The following WDR17 variants were observed in gnomAD, a reference collection of about 807,000 sequenced individuals.
The protein encoded by WDR17 is WD repeat domain 17, also known as WD repeat-containing protein 17.
Under a neutral mutation model 161.7 loss-of-function variants are expected in WDR17, and 143 were observed. That is an observed-to-expected ratio of 0.88 (90% confidence interval 0.77 to 1.02). The LOEUF is 1.02. Ranked by LOEUF, WDR17 falls within the 50% of genes least tolerant of loss-of-function variation. The pLI is 0.00. For missense variants in WDR17, 1,469 were observed against 1,520.9 expected (o/e 0.97, Z 0.57); for synonymous variants, 517 against 515.6 (o/e 1.00, Z -0.04).
At chr4:176,157,455 G>C (rs569129449) in intron 18 of WDR17, among the ~76,000 whole-genome samples, 2 of 152,324 alleles carry the variant, frequency 1.3e-5, no homozygotes, top group East Asian at 3.9e-4. Context: ...AGTAAGTTAA[G>C]CAACAGGCTG....
chr4:176,106,891 C>A (rs1307526555), intron 1 of WDR17, among the ~76,000 whole-genome samples: 1 of 152,020 alleles, frequency 6.6e-6, no homozygotes, highest in Non-Finnish European at 1.5e-5. Flanking sequence ...TTTGAGGTTG[C>A]AGTGAACTAT....
intron 1 of WDR17, among the ~76,000 whole-genome samples, chr4:176,076,858 T>G (rs1305403984): frequency 6.6e-6 from 1 of 152,106 alleles, no homozygotes; most frequent in East Asian, 1.9e-4. Context: ...CTCTTTCTTC[T>G]TGGATACTGG....
chr4:176,142,318 A>G (rs1745412222), intron 11 of WDR17, among the ~76,000 whole-genome samples: 1 of 152,240 alleles, frequency 6.6e-6, no homozygotes, highest in Non-Finnish European at 1.5e-5. Flanking sequence ...ACTTAGGAAA[A>G]AAAATAATGC....
At chr4:176,068,244 G>A (rs543901938) in intron 1 of WDR17, 5 of 152,134 alleles carry the variant, frequency 3.3e-5, no homozygotes, top group African/African-American at 1.2e-4. Context: ...GTGAAGTCAT[G>A]TATCTTCCAG....
intron 23 of WDR17, among the ~76,000 whole-genome samples, chr4:176,170,848 G>A (rs578156963): frequency 2.6e-5 from 4 of 152,258 alleles, no homozygotes; most frequent in East Asian, 1.9e-4. Context: ...GATGCTCCTC[G>A]ACTTACCATG....
chr4:176,162,302 T>A, intron 21 of WDR17, 128 bp downstream of exon 21: 1 of 703,052 alleles, frequency 1.4e-6, no homozygotes, highest in Non-Finnish European at 2.3e-6. Context: ...CCTGAGTAAT[T>A]AAGTAATTAC....
At chr4:176,141,468 C>T (rs1745245238) in intron 10 of WDR17, among the ~76,000 whole-genome samples, 1 of 152,154 alleles carries the variant, frequency 6.6e-6, no homozygotes, top group Non-Finnish European at 1.5e-5. Context: ...GTTTTTCCAT[C>T]GCTCAGGCTG....
At chr4:176,156,204 G>T in intron 18 of WDR17, 61 bp downstream of exon 18, 1 of 1,512,946 alleles carries the variant, frequency 6.6e-7, no homozygotes, top group Non-Finnish European at 9.0e-7. Flanking sequence ...AATAGAAGCA[G>T]TATATAAATA....
intron 9 of WDR17, among the ~76,000 whole-genome samples, chr4:176,139,670 G>A (rs1032975083): frequency 2.0e-5 from 3 of 151,934 alleles, no homozygotes; most frequent in Non-Finnish European, 4.4e-5. Context: ...CCTGATTTAT[G>A]TCTTAAAACA....
intron 1 of WDR17, among the ~76,000 whole-genome samples, chr4:176,100,122 A>G (rs892368006): frequency 1.3e-5 from 2 of 152,156 alleles, no homozygotes; most frequent in African/African-American, 4.8e-5. Flanking sequence ...ACTGGATCAT[A>G]TAATAGCTCT....
intron 3 of WDR17, among the ~76,000 whole-genome samples, chr4:176,116,296 G>C (rs1347028441): frequency 6.6e-6 from 1 of 151,704 alleles, no homozygotes; most frequent in African/African-American, 2.4e-5. Context: ...TTGTTATTGA[G>C]ACAAGTAACA....
chr4:176,149,792 T>C lies in WDR17; in HGVS notation c.1898-15T>C. ...AATGTTCACTTTACTTAAAATAGGT[T>C]TTTATTTTCATCAGGTTTAACCTGC... is the stretch of plus-strand genomic sequence containing the variant. On this transcript the variant is annotated splice_polypyrimidine_tract_variant and intron_variant, in intron 13 of 28. Coordinates refer to ENST00000508596, the MANE Select transcript of WDR17 (RefSeq NM_181265.4). 6.2e-7 allele frequency: 1 copy of C among 1,606,522 alleles called. No individual in the cohort carries two copies. The highest frequency in any genetic ancestry group is 8.5e-7 in the Non-Finnish European group (1 of 1,178,368).
chr4:176,072,458 G>A (rs533586917), intron 1 of WDR17, among the ~76,000 whole-genome samples: 128 of 152,138 alleles, frequency 8.4e-4, no homozygotes, highest in Non-Finnish European at 1.6e-3. Context: ...ATTCTGATGC[G>A]AAATACTTGA....
At chr4:176,137,194 A>G (rs1407959099) in intron 8 of WDR17, among the ~76,000 whole-genome samples, 2 of 151,624 alleles carry the variant, frequency 1.3e-5, no homozygotes, top group Admixed American at 6.6e-5. Flanking sequence ...GCCTTGATCA[A>G]TAAAGAAGTC....
At chr4:176,104,319 A>G (rs1738321447) in intron 1 of WDR17, among the ~76,000 whole-genome samples, 1 of 152,100 alleles carries the variant, frequency 6.6e-6, no homozygotes, top group South Asian at 2.1e-4. Flanking sequence ...TCAAAGCCAT[A>G]TGAAAAAATA....
chr4:176,097,102 T>C (rs967946180), intron 1 of WDR17, among the ~76,000 whole-genome samples: 2 of 151,972 alleles, frequency 1.3e-5, no homozygotes, highest in Non-Finnish European at 2.9e-5. Flanking sequence ...AACATTTGCA[T>C]AGTGTTTTGA....
chr4:176,140,518 C>A (rs1745087393), intron 10 of WDR17, among the ~76,000 whole-genome samples: 1 of 151,992 alleles, frequency 6.6e-6, no homozygotes, highest in Non-Finnish European at 1.5e-5. Flanking sequence ...TGTTAAGTTC[C>A]AGAAATAAGT....
At chr4:176,093,801 C>T (rs1252783209) in intron 1 of WDR17, among the ~76,000 whole-genome samples, 1 of 152,114 alleles carries the variant, frequency 6.6e-6, no homozygotes, top group African/African-American at 2.4e-5. Context: ...ACTAAATGAA[C>T]CAGATCCCAT....
Position 176,149,957 on chromosome 4 carries a change from G to T in WDR17, c.2047+1G>T. ...TGGGAAGAAATTATTGGGAACACTG[G>T]TATGGAACATATACATGTATTAGAG... On this transcript the variant is annotated splice_donor_variant, in intron 14 of 28. Coordinates refer to ENST00000508596, the MANE Select transcript of WDR17 (RefSeq NM_181265.4). LOFTEE classifies it high-confidence loss of function. 6.2e-7 allele frequency: 1 copy of T among 1,612,482 alleles called. No homozygotes were observed. The highest frequency in any genetic ancestry group is 8.5e-7 in the Non-Finnish European group (1 of 1,179,696).
Sources: gnomAD v4.1 joint callset for allele counts (sites outside exome capture counted in the v4.1 genomes callset) on GRCh38, gnomAD v4.1.1 for gene constraint, MANE v1.5 for transcripts, NCBI Gene and HGNC (gene_info 2026-07-23, HGNC 2026-07-21) for gene names.